The following LDLRAD4 variants were observed in gnomAD, a reference collection of about 807,000 sequenced individuals.
The protein encoded by LDLRAD4 is low density lipoprotein receptor class A domain containing 4, also known as low-density lipoprotein receptor class A domain-containing protein 4.
A neutral mutation model predicts 17.0 loss-of-function variants in LDLRAD4; 5 were observed. The observed-to-expected ratio is 0.29, with a 90% confidence interval of 0.15 to 0.62. The LOEUF is 0.62. LDLRAD4 is among the 20% of genes least tolerant of loss of function. LDLRAD4 has a pLI of 0.84. For synonymous variants in LDLRAD4, 168 were observed against 171.8 expected (o/e 0.98, Z 0.17); for missense variants, 340 against 424.7 (o/e 0.80, Z 1.75).
chr18:13,525,825 A>G (rs1317742646), intron 3 of LDLRAD4, among the ~76,000 whole-genome samples: 1 of 152,234 alleles, frequency 6.6e-6, no homozygotes, highest in Non-Finnish European at 1.5e-5. Context: ...CGGAATGACC[A>G]GGAGGAACGG....
At chr18:13,532,045 T>C (rs111747017) in intron 3 of LDLRAD4, among the ~76,000 whole-genome samples, 3 of 152,172 alleles carry the variant, frequency 2.0e-5, no homozygotes, top group African/African-American at 7.2e-5. Context: ...CATGTTACTT[T>C]GGAGGATAAA....
At chr18:13,511,362 AT>A (rs1393255500) in intron 3 of LDLRAD4, among the ~76,000 whole-genome samples, 1 of 152,008 alleles carries the variant, frequency 6.6e-6, no homozygotes, top group Non-Finnish European at 1.5e-5. Context: ...AAATACAAAA[AT>A]TAGCCGGGCA....
intron 3 of LDLRAD4, among the ~76,000 whole-genome samples, chr18:13,455,297 C>T (rs899310644): frequency 4.6e-5 from 7 of 152,160 alleles, no homozygotes; most frequent in South Asian, 2.1e-4. Flanking sequence ...AGATAGGCAG[C>T]GAAAACTGCC....
At chr18:13,475,086 C>G (rs77681572) in intron 3 of LDLRAD4, among the ~76,000 whole-genome samples, 1,797 of 152,270 alleles carry the variant, frequency 0.012, 43 homozygotes, top group African/African-American at 0.041. Context: ...CCAGTGTTGA[C>G]GTGACTCCAG....
chr18:13,504,077 C>A (rs1233279486), intron 3 of LDLRAD4, among the ~76,000 whole-genome samples: 2 of 152,160 alleles, frequency 1.3e-5, no homozygotes, highest in African/African-American at 2.4e-5. Flanking sequence ...GAGGCTCACG[C>A]AGGTCACATA....
chr18:13,346,462 T>G (rs2082694570), intron 1 of LDLRAD4, among the ~76,000 whole-genome samples: 1 of 152,242 alleles, frequency 6.6e-6, no homozygotes, highest in South Asian at 2.1e-4. Context: ...AAATTTCTGT[T>G]CTTTTACATT....
At position 13,309,810 on chromosome 18, in the gene LDLRAD4, C is replaced by CTGGG. The variant is rs546430333; in HGVS notation, c.-383+31625_-383+31628dup. ...TGACTGTACCAAAGACTCACAGACA[C>CTGGG]TGGGTGTCTTGGTGATGGGTGCACA... is the stretch of plus-strand genomic sequence containing the variant. On this transcript the variant is annotated intron_variant, in intron 1 of 5. Coordinates refer to ENST00000359446, the Ensembl canonical transcript of LDLRAD4. Among the ~76,000 whole-genome samples the CTGGG allele has an allele frequency of 4.4e-4, 67 of 152,180 alleles. 1 individual carries two copies. In the East Asian group the frequency reaches 0.012, roughly 26 times the overall value.
At chr18:13,544,832 C>G (rs1325851920) in intron 3 of LDLRAD4, among the ~76,000 whole-genome samples, 2 of 150,944 alleles carry the variant, frequency 1.3e-5, no homozygotes, top group Non-Finnish European at 2.9e-5. Context: ...AAAAAGGGTC[C>G]AACTCCCTGG....
At chr18:13,348,008 C>T (rs1019355486) in intron 1 of LDLRAD4, among the ~76,000 whole-genome samples, 10 of 152,260 alleles carry the variant, frequency 6.6e-5, no homozygotes, top group African/African-American at 1.9e-4. Context: ...TTCTTTGCCA[C>T]GGGTTCGAAA....
intron 2 of LDLRAD4, among the ~76,000 whole-genome samples, chr18:13,388,665 G>A (rs375327329): frequency 1.3e-5 from 2 of 152,246 alleles, no homozygotes; most frequent in African/African-American, 4.8e-5. Context: ...AGGGGCTCAG[G>A]CTTGATTGGC....
intron 1 of LDLRAD4, among the ~76,000 whole-genome samples, chr18:13,322,474 A>G (rs1163812800): frequency 6.7e-6 from 1 of 149,140 alleles, no homozygotes; most frequent in Non-Finnish European, 1.5e-5. Flanking sequence ...TAATTTTTGT[A>G]TTTTTAGTAG....
intron 1 of LDLRAD4, among the ~76,000 whole-genome samples, chr18:13,349,563 G>A (rs978711465): frequency 3.9e-5 from 6 of 152,062 alleles, no homozygotes; most frequent in Admixed American, 3.3e-4. Context: ...AGGTTTAGTG[G>A]TAATGAACTC....
At chr18:13,387,421 C>G (rs1033770126) in exon 2 of LDLRAD4, 5 of 323,174 alleles carry the variant, frequency 1.5e-5, no homozygotes, top group Non-Finnish European at 2.8e-5. Flanking sequence ...ATGCTGGCAG[C>G]GGCGTGGCCA....
At position 13,549,434 on chromosome 18, in the gene LDLRAD4, G is replaced by A. The variant is rs550365705; in HGVS notation, c.182-71683G>A. Among the ~76,000 whole-genome samples, 7 of 152,146 alleles carry A rather than the reference G, an allele frequency of 4.6e-5. No individual in the cohort carries two copies. In the South Asian group the frequency reaches 1.5e-3, roughly 32 times the overall value. On this transcript the variant is annotated intron_variant, in intron 3 of 5. Transcript: ENST00000359446. ...TGGGGTGCTGCCCATGGAAGGTACTGGGGATGTCCATCAGGTGCTTCTGGG... is the reference window on the plus strand; with the variant it reads ...TGGGGTGCTGCCCATGGAAGGTACTAGGGATGTCCATCAGGTGCTTCTGGG...
At chr18:13,493,489 T>A (rs1248390737) in intron 3 of LDLRAD4, among the ~76,000 whole-genome samples, 7 of 152,216 alleles carry the variant, frequency 4.6e-5, no homozygotes, top group African/African-American at 1.7e-4. Flanking sequence ...ACAAATCATG[T>A]TTCCTCTTTT....
At chr18:13,295,271 T>A (rs2046208103) in intron 1 of LDLRAD4, among the ~76,000 whole-genome samples, 1 of 152,200 alleles carries the variant, frequency 6.6e-6, no homozygotes, top group Admixed American at 6.5e-5. Flanking sequence ...CATGACATGC[T>A]CACATCCTGG....
intron 1 of LDLRAD4, among the ~76,000 whole-genome samples, chr18:13,340,993 C>T (rs962342761): frequency 5.3e-5 from 8 of 152,078 alleles, no homozygotes; most frequent in African/African-American, 1.4e-4. Context: ...TGTTCTTTCC[C>T]GTTGAATGGC....
intron 3 of LDLRAD4, among the ~76,000 whole-genome samples, chr18:13,441,952 G>C (rs1203485232): frequency 6.6e-6 from 1 of 152,108 alleles, no homozygotes; most frequent in Non-Finnish European, 1.5e-5. Flanking sequence ...TTATCTCCTG[G>C]GGAATGAGTT....
At chr18:13,381,076 G>GTTTTTTTTTTTTTTTT (rs759672017) in intron 1 of LDLRAD4, among the ~76,000 whole-genome samples, 1 of 128,486 alleles carries the variant, frequency 7.8e-6, no homozygotes, top group Non-Finnish European at 1.6e-5. Flanking sequence ...TTTCTCTTTA[G>GTTTTTTTTTTTTTTTT]TTTTTTTTTT....
Sources: allele counts gnomAD v4.1 joint callset (sites outside exome capture counted in the v4.1 genomes callset), GRCh38; gene constraint gnomAD v4.1.1; transcripts MANE v1.5; gene names NCBI Gene and HGNC (gene_info 2026-07-23, HGNC 2026-07-21).